The following PLEKHH2 variants were observed in gnomAD, a reference collection of about 807,000 sequenced individuals.
The protein encoded by PLEKHH2 is pleckstrin homology, MyTH4 and FERM domain containing H2, also known as pleckstrin homology domain-containing family H member 2.
PLEKHH2 carries 129 observed loss-of-function variants against 187.9 expected under a neutral mutation model. The ratio of observed to expected loss-of-function variants is 0.69; its 90% CI spans 0.59 to 0.79. PLEKHH2 has a LOEUF of 0.79. Ranked by LOEUF, PLEKHH2 falls within the 30% of genes least tolerant of loss-of-function variation. PLEKHH2 has a pLI of 0.00. For missense variants in PLEKHH2, 2,076 were observed against 1,751.2 expected (o/e 1.19, Z -3.31); for synonymous variants, 686 against 605.6 (o/e 1.13, Z -1.95).
intron 2 of PLEKHH2, among the ~76,000 whole-genome samples, chr2:43,667,992 T>G (rs988341008): frequency 7.2e-5 from 11 of 152,228 alleles, no homozygotes; most frequent in African/African-American, 2.7e-4. Flanking sequence ...GGAGAAATAC[T>G]GCCTGCTCTT....
At position 43,700,411 on chromosome 2, in the gene PLEKHH2, C is replaced by T. The variant is rs1669302641; in HGVS notation, c.1453C>T (p.Gln485Ter). Reference sequence around the variant, plus strand: ...AAGCATGATACGACCACTGAGACCTCAGGAAACTGATCTTGATCTAGTTGA... The same window carrying T: ...AAGCATGATACGACCACTGAGACCTTAGGAAACTGATCTTGATCTAGTTGA... ...AISMIRPLRP[Q>*]ETDLDLVDGD... The change falls in exon 8 of 30, where the codon CAG becomes TAG. Residue 485 changes from glutamine to a stop codon, truncating the protein, a stop_gained. Transcript: ENST00000282406. LOFTEE classifies it high-confidence loss of function. 6.2e-7 allele frequency: 1 copy of T among 1,614,028 alleles called. No homozygotes were observed. The highest frequency in any genetic ancestry group is 8.5e-7 in the Non-Finnish European group (1 of 1,179,992).
At chr2:43,656,999 A>G (rs559984666) in intron 2 of PLEKHH2, among the ~76,000 whole-genome samples, 24 of 152,060 alleles carry the variant, frequency 1.6e-4, no homozygotes, top group African/African-American at 5.8e-4. Context: ...AGCCTGGGCA[A>G]CAAGAGCAAA....
chr2:43,737,537 G>T (rs1450403631), intron 19 of PLEKHH2, among the ~76,000 whole-genome samples: 2 of 152,154 alleles, frequency 1.3e-5, no homozygotes, highest in African/African-American at 4.8e-5. Context: ...TCTCCTGGCG[G>T]TACCATCAAG....
intron 1 of PLEKHH2, among the ~76,000 whole-genome samples, chr2:43,644,236 A>G (rs1444987509): frequency 6.6e-6 from 1 of 152,142 alleles, no homozygotes; most frequent in Non-Finnish European, 1.5e-5. Context: ...TTATGAGCTG[A>G]TAGATTCAAA....
Position 43,712,369 on chromosome 2 carries a change from G to A in PLEKHH2, c.2446G>A (p.Gly816Arg). Residue 816 changes from glycine (G) to arginine (R), a missense_variant, in exon 15 of 30, where the codon GGA becomes AGA. Transcript: ENST00000282406. ...LQPEGKPTMK[G>R]LLTKVKHGYS... ...GCCTGAGGGCAAACCCACCATGAAG[G>A]GATTGCTCACTAAGGTAGGAACCTC... 1 of 1,613,954 alleles carries A rather than the reference G, an allele frequency of 6.2e-7. No individual in the cohort carries two copies. Among genetic ancestry groups the A allele is most frequent in the Non-Finnish European group, 8.5e-7 (1 of 1,179,962 alleles).
At chr2:43,718,878 C>G (rs761447659) in intron 15 of PLEKHH2, among the ~76,000 whole-genome samples, 10 of 152,074 alleles carry the variant, frequency 6.6e-5, no homozygotes, top group Non-Finnish European at 1.2e-4. Flanking sequence ...TTTGTTTTCT[C>G]TCAAACAGCA....
chr2:43,746,077 T>C, intron 24 of PLEKHH2, 114 bp downstream of exon 24: 1 of 597,434 alleles, frequency 1.7e-6, no homozygotes, highest in South Asian at 5.5e-5. Flanking sequence ...TGTAAGTTTG[T>C]CTTTCTATAA....
intron 2 of PLEKHH2, among the ~76,000 whole-genome samples, chr2:43,673,213 C>T (rs1667571974): frequency 1.3e-5 from 2 of 152,084 alleles, no homozygotes; most frequent in South Asian, 2.1e-4. Context: ...TTCTTTCCTC[C>T]TATGTTATAT....
At chr2:43,659,502 G>C (rs1666960982) in intron 2 of PLEKHH2, among the ~76,000 whole-genome samples, 1 of 150,870 alleles carries the variant, frequency 6.6e-6, no homozygotes, top group South Asian at 2.1e-4. Flanking sequence ...TTGGTCTTTT[G>C]ACCATTGATA....
intron 2 of PLEKHH2, among the ~76,000 whole-genome samples, chr2:43,668,981 A>G (rs773951991): frequency 4.6e-5 from 7 of 152,206 alleles, no homozygotes; most frequent in Non-Finnish European, 8.8e-5. Flanking sequence ...AGAACTCTGG[A>G]TGATCAAGGA....
At chr2:43,651,569 C>G (rs1036517909) in intron 2 of PLEKHH2, among the ~76,000 whole-genome samples, 53 of 151,192 alleles carry the variant, frequency 3.5e-4, no homozygotes, top group African/African-American at 1.1e-3. Context: ...ATTTTTGTGT[C>G]TTTTTTTTTG....
chr2:43,690,761 C>T (rs1261131710), intron 3 of PLEKHH2, among the ~76,000 whole-genome samples: 5 of 152,072 alleles, frequency 3.3e-5, no homozygotes, highest in Admixed American at 2.6e-4. Flanking sequence ...ACTTTATTTT[C>T]CTTCTTACTA....
At chr2:43,737,498 C>T (rs1671349817) in intron 19 of PLEKHH2, among the ~76,000 whole-genome samples, 1 of 152,152 alleles carries the variant, frequency 6.6e-6, no homozygotes, top group African/African-American at 2.4e-5. Context: ...AATCTAGAAG[C>T]AGTTTAGCTG....
At chr2:43,673,485 C>G (rs1026547518) in intron 2 of PLEKHH2, among the ~76,000 whole-genome samples, 5 of 152,084 alleles carry the variant, frequency 3.3e-5, no homozygotes, top group Admixed American at 1.3e-4. Flanking sequence ...GTAAAGTAGT[C>G]AGAACGGGTT....
Position 43,727,152 on chromosome 2 carries a change from G to A in PLEKHH2, c.2721+701G>A, listed in dbSNP as rs186090286. 1.6e-4 allele frequency among the ~76,000 whole-genome samples: 25 copies of A among 152,292 alleles called. No homozygotes were observed. The East Asian group carries it at 2.9e-3, about 18-fold the overall frequency. On this transcript the variant is annotated intron_variant, in intron 17 of 29. Transcript: ENST00000282406. ...GGGCGGGCTGGGTGCGGTGACTCAC[G>A]TCTGTAATCCCAGCACTTCGGGAGG...
Position 43,700,606 on chromosome 2 carries a change from T to C in PLEKHH2, c.1648T>C (p.Trp550Arg). 1 of 1,603,384 alleles carries C rather than the reference T, an allele frequency of 6.2e-7. No homozygotes were observed. Among genetic ancestry groups the C allele is most frequent in the Non-Finnish European group, 8.5e-7 (1 of 1,177,346 alleles). Residue 550 changes from tryptophan to arginine, a missense_variant and splice_region_variant, in exon 8 of 30, where the codon TGG becomes CGG. Physicochemically the swap from Trp to Arg is moderately radical, Grantham distance 101. Coordinates refer to ENST00000282406, the MANE Select transcript of PLEKHH2 (RefSeq NM_172069.4). ...TCCTCCCCTGCACCGTTTTCCTTCT[T>C]GGGTAATTATATCACCGCATGTAAC... ...PTPPLHRFPSWESRIYAVAKS... is the reference protein window; with the variant it reads ...PTPPLHRFPSRESRIYAVAKS...
intron 19 of PLEKHH2, among the ~76,000 whole-genome samples, chr2:43,734,063 G>C (rs1012591499): frequency 6.6e-6 from 1 of 152,100 alleles, no homozygotes; most frequent in Non-Finnish European, 1.5e-5. Flanking sequence ...CATAGAAAAA[G>C]AAGGAACTTT....
chr2:43,681,086 A>T, intron 3 of PLEKHH2: 1 of 1,148,622 alleles, frequency 8.7e-7, no homozygotes, highest in Non-Finnish European at 1.3e-6. Context: ...CACTATTTGA[A>T]TGCCAACCAA....
chr2:43,689,283 G>A (rs1473645664), intron 3 of PLEKHH2, among the ~76,000 whole-genome samples: 1 of 152,198 alleles, frequency 6.6e-6, no homozygotes, highest in African/African-American at 2.4e-5. Context: ...AGTGTGCTGA[G>A]GTGGGTGGAT....
Sources: gnomAD v4.1 joint callset for allele counts (sites outside exome capture counted in the v4.1 genomes callset) on GRCh38, gnomAD v4.1.1 for gene constraint, MANE v1.5 for transcripts, NCBI Gene and HGNC (gene_info 2026-07-23, HGNC 2026-07-21) for gene names.